Variants in SEL1L2 observed in about 807,000 individuals in gnomAD.
SEL1L2 encodes the protein protein sel-1 homolog 2.
A neutral mutation model predicts 98.8 loss-of-function variants in SEL1L2; 89 were observed. The observed-to-expected ratio is 0.90, with a 90% confidence interval of 0.76 to 1.07. The LOEUF is 1.07. SEL1L2 is among the 50% of genes least tolerant of loss of function. SEL1L2 has a pLI of 0.00. For missense variants in SEL1L2, 788 were observed against 812.0 expected (o/e 0.97, Z 0.36); for synonymous variants, 262 against 278.5 (o/e 0.94, Z 0.59).
At chr20:13,901,659 A>AT (rs71188194) in intron 5 of SEL1L2, among the ~76,000 whole-genome samples, 6 of 144,196 alleles carry the variant, frequency 4.2e-5, no homozygotes, top group African/African-American at 1.3e-4. Flanking sequence ...TTTTTTGCAA[A>AT]TTTTTTTCTT....
At chr20:13,975,720 A>T (rs1397318490) in intron 1 of SEL1L2, among the ~76,000 whole-genome samples, 2 of 152,226 alleles carry the variant, frequency 1.3e-5, no homozygotes. Context: ...AGGCAAGTAC[A>T]ACACAATCTC....
intron 1 of SEL1L2, among the ~76,000 whole-genome samples, chr20:13,973,905 T>C (rs1479884101): frequency 2.6e-5 from 4 of 152,140 alleles, no homozygotes. Context: ...CTCAGAGATA[T>C]ATATTTTTCT....
At chr20:13,862,648 G>A (rs1990324877) in intron 17 of SEL1L2, among the ~76,000 whole-genome samples, 1 of 151,762 alleles carries the variant, frequency 6.6e-6, no homozygotes, top group South Asian at 2.1e-4. Flanking sequence ...AAGTCTCTCT[G>A]AGTACAGCTA....
chr20:13,906,344 CCTT>C (rs1568941706), intron 5 of SEL1L2, among the ~76,000 whole-genome samples: 1 of 152,154 alleles, frequency 6.6e-6, no homozygotes, highest in Non-Finnish European at 1.5e-5. Context: ...AAATATTCCT[CCTT>C]CTACTTTTTA....
intron 3 of SEL1L2, among the ~76,000 whole-genome samples, chr20:13,921,251 C>A (rs939691318): frequency 6.6e-6 from 1 of 152,336 alleles, no homozygotes; most frequent in Admixed American, 6.5e-5. Flanking sequence ...TGGCTCACTG[C>A]AACCTCCACC....
At chr20:13,968,829 G>C (rs992573819) in intron 1 of SEL1L2, among the ~76,000 whole-genome samples, 1 of 152,172 alleles carries the variant, frequency 6.6e-6, no homozygotes, top group Non-Finnish European at 1.5e-5. Context: ...ACAATAGCTC[G>C]ACATTAAATG....
chr20:13,964,631 T>C (rs1210781564), intron 1 of SEL1L2, among the ~76,000 whole-genome samples: 1 of 151,948 alleles, frequency 6.6e-6, no homozygotes, highest in African/African-American at 2.4e-5. Flanking sequence ...TTTGTATTTT[T>C]AGTAGAGACG....
intron 17 of SEL1L2, among the ~76,000 whole-genome samples, chr20:13,862,440 A>C (rs1218266459): frequency 6.6e-6 from 1 of 152,140 alleles, no homozygotes; most frequent in East Asian, 1.9e-4. Context: ...TTACTCAGAA[A>C]AAGAGGAAGT....
At chr20:13,937,128 T>C (rs1041407801) in intron 2 of SEL1L2, among the ~76,000 whole-genome samples, 1 of 152,238 alleles carries the variant, frequency 6.6e-6, no homozygotes, top group Non-Finnish European at 1.5e-5. Context: ...TTATCTCCAA[T>C]GTTACTCCTG....
At chr20:13,905,226 T>C (rs377120868) in intron 5 of SEL1L2, among the ~76,000 whole-genome samples, 1 of 152,120 alleles carries the variant, frequency 6.6e-6, no homozygotes. Context: ...ACTTGAAGTA[T>C]GCCAGGACAC....
chr20:13,904,956 ATCC>A (rs1389656818), intron 5 of SEL1L2, among the ~76,000 whole-genome samples: 1 of 152,194 alleles, frequency 6.6e-6, no homozygotes, highest in Non-Finnish European at 1.5e-5. Context: ...ATTTGGCCTG[ATCC>A]TCCTGGAGAA....
intron 1 of SEL1L2, among the ~76,000 whole-genome samples, chr20:13,956,624 C>G (rs1423850846): frequency 6.6e-6 from 1 of 151,976 alleles, no homozygotes; most frequent in Non-Finnish European, 1.5e-5. Context: ...GATAATTATA[C>G]CAGGCTTTGA....
intron 2 of SEL1L2, among the ~76,000 whole-genome samples, chr20:13,932,406 CAATTAT>C (rs1367662645): frequency 2.5e-5 from 2 of 79,256 alleles, no homozygotes; most frequent in African/African-American, 9.8e-5. Context: ...TTTCCTTTGT[CAATTAT>C]TATTATTATT....
intron 1 of SEL1L2, among the ~76,000 whole-genome samples, chr20:13,986,742 T>A (rs528195006): frequency 6.6e-6 from 1 of 152,362 alleles, no homozygotes; most frequent in Admixed American, 6.5e-5. Context: ...GTGTGAATAT[T>A]ATGTTTTCAT....
intron 3 of SEL1L2, among the ~76,000 whole-genome samples, chr20:13,919,378 T>C (rs1294772770): frequency 6.6e-6 from 1 of 152,170 alleles, no homozygotes. Flanking sequence ...GAAAGAGAGA[T>C]GCTCCTGATG....
intron 10 of SEL1L2, among the ~76,000 whole-genome samples, chr20:13,884,618 C>T (rs2046866427): frequency 2.0e-5 from 3 of 152,252 alleles, no homozygotes; most frequent in South Asian, 4.1e-4. Flanking sequence ...AGTGATTCTC[C>T]TGCCTCAGCT....
chr20:13,871,539 TCTCA>T (rs1183812760), intron 12 of SEL1L2, among the ~76,000 whole-genome samples: 2 of 150,156 alleles, frequency 1.3e-5, no homozygotes, highest in Non-Finnish European at 3.0e-5. Context: ...TGAGACGGAG[TCTCA>T]CTCTGTTGCC....
At chr20:13,976,325 TTGTC>T (rs2051536509) in intron 1 of SEL1L2, among the ~76,000 whole-genome samples, 1 of 152,238 alleles carries the variant, frequency 6.6e-6, no homozygotes, top group South Asian at 2.1e-4. Flanking sequence ...TTGTTGTTGT[TTGTC>T]TGTTTTTTTA....
intron 17 of SEL1L2, among the ~76,000 whole-genome samples, chr20:13,863,768 A>G (rs1315591047): frequency 6.6e-6 from 1 of 152,126 alleles, no homozygotes; most frequent in Non-Finnish European, 1.5e-5. Context: ...TCAAGAGATC[A>G]AGACTATCCT....
Sources: gnomAD v4.1 joint callset for allele counts (sites outside exome capture counted in the v4.1 genomes callset) on GRCh38, gnomAD v4.1.1 for gene constraint, MANE v1.5 for transcripts, NCBI Gene and HGNC (gene_info 2026-07-23, HGNC 2026-07-21) for gene names.